The following CEP43 variants were observed in gnomAD, a reference collection of about 807,000 sequenced individuals.
The protein encoded by CEP43 is centrosomal protein 43, also known as FGFR1 oncogene partner.
Under a neutral mutation model 52.6 loss-of-function variants are expected in CEP43, and 36 were observed. That is an observed-to-expected ratio of 0.68 (90% CI 0.52 to 0.90). The LOEUF (loss-of-function observed/expected upper bound fraction) is 0.90, where lower values mean the gene tolerates loss of function less well. Among genes scored for constraint, CEP43 ranks in the 40% least tolerant of loss-of-function variants. CEP43 has a pLI of 0.00. For synonymous variants in CEP43, 192 were observed against 172.4 expected (o/e 1.11, Z -0.89); for missense variants, 506 against 472.8 (o/e 1.07, Z -0.65).
At chr6:167,009,822 T>G (rs1448271051) in intron 5 of CEP43, among the ~76,000 whole-genome samples, 1 of 151,102 alleles carries the variant, frequency 6.6e-6, no homozygotes, top group East Asian at 1.9e-4. Flanking sequence ...GGTAACAGAG[T>G]GAGACCCTGT....
At chr6:167,006,014 A>G (rs994316851) in intron 5 of CEP43, among the ~76,000 whole-genome samples, 4 of 152,204 alleles carry the variant, frequency 2.6e-5, no homozygotes, top group South Asian at 2.1e-4. Context: ...GCTCTGCTAC[A>G]TTCTAGCTCT....
chr6:167,019,565 A>G (rs549912709), intron 7 of CEP43, among the ~76,000 whole-genome samples: 11 of 152,374 alleles, frequency 7.2e-5, no homozygotes, highest in African/African-American at 2.6e-4. Flanking sequence ...GTTTAGAACT[A>G]GATTTTGAGA....
chr6:167,004,642 CT>C (rs1779811139), intron 5 of CEP43, among the ~76,000 whole-genome samples: 1 of 55,504 alleles, frequency 1.8e-5, no homozygotes, highest in South Asian at 8.4e-4. Flanking sequence ...GGGTCATGAG[CT>C]AAACTGTCTG....
At position 167,041,888 on chromosome 6, in the gene CEP43, A is replaced by T. The variant is rs1362349736; in HGVS notation, c.*1910A>T. On this transcript the variant is annotated 3_prime_UTR_variant, in exon 13 of 13. Transcript: ENST00000366847. ...ACTCAGACTGGAGTACAGTGATGCG[A>T]TCTCGGCTCACTGCAACCTCCGCCT... 4.9e-6 allele frequency: 4 copies of T among 816,402 alleles called. No homozygotes were observed. Among genetic ancestry groups the T allele is most frequent in the Non-Finnish European group, 6.0e-6 (4 of 668,288 alleles). The allele number at this position is 816,402 out of a possible 1,614,324, so 50.6% of individuals were successfully genotyped here. A position where few individuals can be genotyped will look rare whatever the true frequency, so the allele number is the denominator to read the frequency against.
In CEP43 at chr6:167,050,022, G is replaced by A. The variant is rs1324022265; in HGVS notation, c.*10044G>A. 6.6e-6 allele frequency: 1 copy of A among 152,296 alleles called. No individual in the cohort carries two copies. The highest frequency in any genetic ancestry group is 1.9e-4 in the East Asian group (1 of 5,182). The allele number at this position is 152,296 out of a possible 1,614,324, so 9.4% of individuals were successfully genotyped here. A position where few individuals can be genotyped will look rare whatever the true frequency, so the allele number is the denominator to read the frequency against. ...TTGTTGGGTAAACTGTTCTATAGAT[G>A]TTGATATGGCTTCGCTGTGTCCCCA... On this transcript the variant is annotated 3_prime_UTR_variant, in exon 13 of 13. Transcript: ENST00000366847.
rs1780792095 is a variant in CEP43, at chr6:167,046,095, A to C, written c.*6117A>C. The C allele has an allele frequency of 6.6e-6, 1 of 152,220 alleles. No individual in the cohort carries two copies. Among genetic ancestry groups the C allele is most frequent in the Non-Finnish European group, 1.5e-5 (1 of 68,052 alleles). 9.4% of individuals were successfully genotyped at this position (152,220 alleles called of 1,614,324 possible). A position where few individuals can be genotyped will look rare whatever the true frequency, so the allele number is the denominator to read the frequency against. ...CACGTTTCCCTCTAGTTTTCTCTTT[A>C]CATTTTAACATACACTATTATGTGT... On this transcript the variant is annotated 3_prime_UTR_variant, in exon 13 of 13. Transcript: ENST00000366847.
At chr6:167,030,672 G>T (rs9459849) in intron 10 of CEP43, among the ~76,000 whole-genome samples, 53,356 of 152,086 alleles carry the variant, frequency 0.35, 10,462 homozygotes, top group Non-Finnish European at 0.46. Context: ...TGGGACACCT[G>T]CCTTGACCCA....
intron 7 of CEP43, among the ~76,000 whole-genome samples, chr6:167,018,451 G>T (rs1409123477): frequency 6.9e-6 from 1 of 145,854 alleles, no homozygotes; most frequent in East Asian, 2.3e-4. Context: ...GTGCAGTGGC[G>T]GCGATTACAG....
At chr6:167,035,819 G>A (rs1050618862) in intron 12 of CEP43, among the ~76,000 whole-genome samples, 4 of 151,916 alleles carry the variant, frequency 2.6e-5, no homozygotes, top group Non-Finnish European at 5.9e-5. Context: ...TGCCTGCCTC[G>A]GCCTCCCAAA....
At chr6:167,018,592 T>C (rs778168178) in intron 7 of CEP43, among the ~76,000 whole-genome samples, 1 of 152,188 alleles carries the variant, frequency 6.6e-6, no homozygotes, top group Non-Finnish European at 1.5e-5. Flanking sequence ...GGTTCCACTA[T>C]GTTGGCCAGG....
At chr6:167,037,260 T>C (rs1780602608) in intron 12 of CEP43, among the ~76,000 whole-genome samples, 1 of 152,264 alleles carries the variant, frequency 6.6e-6, no homozygotes, top group African/African-American at 2.4e-5. Flanking sequence ...AAATTAATGA[T>C]CTCCAATAAC....
At chr6:167,006,232 A>G (rs1314092867) in intron 5 of CEP43, among the ~76,000 whole-genome samples, 1 of 152,220 alleles carries the variant, frequency 6.6e-6, no homozygotes, top group Non-Finnish European at 1.5e-5. Context: ...AAATATTCGG[A>G]TAGGCTGAGC....
At chr6:167,009,665 CAAA>C (rs562641835) in intron 5 of CEP43, among the ~76,000 whole-genome samples, 2 of 66,624 alleles carry the variant, frequency 3.0e-5, no homozygotes, top group Non-Finnish European at 6.4e-5. Context: ...AACTCCGTCT[CAAA>C]AAAAAAAAAA....
intron 12 of CEP43, chr6:167,036,629 A>C: frequency 2.0e-6 from 2 of 985,448 alleles, no homozygotes; most frequent in Non-Finnish European, 2.4e-6. Flanking sequence ...GTCGATTTGT[A>C]TGAAGCTTGC....
chr6:167,030,514 C>G (rs1048700897), intron 10 of CEP43, among the ~76,000 whole-genome samples: 4 of 152,206 alleles, frequency 2.6e-5, no homozygotes, highest in Non-Finnish European at 5.9e-5. Context: ...AGAGGAAGCT[C>G]CTGACATGTC....
intron 12 of CEP43, among the ~76,000 whole-genome samples, chr6:167,038,429 A>G (rs1257429090): frequency 6.6e-6 from 1 of 152,230 alleles, no homozygotes; most frequent in Non-Finnish European, 1.5e-5. Flanking sequence ...GATCGTTTCC[A>G]AATTATACAT....
chr6:167,028,929 G>A (rs1315116629), intron 10 of CEP43, among the ~76,000 whole-genome samples: 3 of 152,266 alleles, frequency 2.0e-5, no homozygotes, highest in African/African-American at 7.2e-5. Flanking sequence ...ATTAATTAAA[G>A]GTGCCCAAAA....
chr6:167,033,978 T>C lies in CEP43; in HGVS notation c.1125+7T>C. 1.5e-6 allele frequency: 2 copies of C among 1,373,346 alleles called. No homozygotes were observed. Among genetic ancestry groups the C allele is most frequent in the Non-Finnish European group, 2.0e-6 (2 of 992,596 alleles). 85.1% of individuals were successfully genotyped at this position (1,373,346 alleles called of 1,614,324 possible). ...CATCAATACCAGTGATAAGGTATGG[T>C]GTTCTGCATTTCCCATAGAGTGCTT... On this transcript the variant is annotated splice_region_variant and intron_variant, in intron 12 of 12. Coordinates refer to ENST00000366847, the MANE Select transcript of CEP43 (RefSeq NM_007045.4).
intron 9 of CEP43, 97 bp downstream of exon 9, chr6:167,024,991 C>A: frequency 1.4e-6 from 1 of 693,448 alleles, no homozygotes; most frequent in Non-Finnish European, 2.5e-6. Context: ...AGGAAAATCA[C>A]TAAAATAACC....
Sources: gnomAD v4.1 joint callset for allele counts (sites outside exome capture counted in the v4.1 genomes callset) on GRCh38, gnomAD v4.1.1 for gene constraint, MANE v1.5 for transcripts, NCBI Gene and HGNC (gene_info 2026-07-23, HGNC 2026-07-21) for gene names.